The following LTBP1 variants were observed in gnomAD, a reference collection of about 807,000 sequenced individuals.
The protein encoded by LTBP1 is latent-transforming growth factor beta-binding protein 1.
Under a neutral mutation model 207.6 loss-of-function variants are expected in LTBP1, and 129 were observed. The ratio of observed to expected loss-of-function variants is 0.62; its 90% CI spans 0.54 to 0.72. The LOEUF is 0.72. Ranked by LOEUF, LTBP1 falls within the 30% of genes least tolerant of loss-of-function variation. The probability of loss-of-function intolerance (pLI) is 0.00; values close to 1 mark genes in which losing one functional copy is unlikely to be tolerated. For missense variants in LTBP1, 2,281 were observed against 2,217.2 expected, an observed-to-expected ratio of 1.03 and a Z score of -0.58; for synonymous variants, 963 against 833.7, an observed-to-expected ratio of 1.16 and a Z score of -2.67.
rs537126773 is a variant in LTBP1, at chr2:33,041,561, C to T, written c.863+20355C>T. ...CATCCCAAAGTGCTGGGATTATAGG[C>T]GTGAGCCACCGTGCCTGGCCCAGAC... On this transcript the variant is annotated intron_variant, in intron 3 of 33. Coordinates refer to ENST00000404816, the MANE Select transcript of LTBP1 (RefSeq NM_206943.4). Among the ~76,000 whole-genome samples, 9 of 152,328 alleles carry T rather than the reference C, an allele frequency of 5.9e-5. No individual in the cohort carries two copies. The South Asian group carries it at 1.7e-3, about 28-fold the overall frequency.
chr2:33,204,836 A>G (rs998618243), intron 7 of LTBP1, among the ~76,000 whole-genome samples: 3 of 152,250 alleles, frequency 2.0e-5, no homozygotes, highest in African/African-American at 7.2e-5. Flanking sequence ...TGAAAAGTAG[A>G]CATTTATGTC....
At chr2:32,960,954 A>G (rs913586206) in intron 2 of LTBP1, among the ~76,000 whole-genome samples, 1 of 152,202 alleles carries the variant, frequency 6.6e-6, no homozygotes, top group Non-Finnish European at 1.5e-5. Flanking sequence ...AGATAAGATA[A>G]CAAGAGGGGA....
Position 33,173,382 on chromosome 2 carries a change from C to T in LTBP1, c.1202-13474C>T, listed in dbSNP as rs963407708. Among the ~76,000 whole-genome samples the T allele has an allele frequency of 2.8e-4, 42 of 152,190 alleles. No homozygotes were observed. In the East Asian group the frequency reaches 6.2e-3, roughly 22 times the overall value. ...TCAGAGAATACTACAAACACCTCTA[C>T]GCAAATAAACTATAAAATCTAGAAG... On this transcript the variant is annotated intron_variant, in intron 5 of 33. Coordinates refer to ENST00000404816, the MANE Select transcript of LTBP1 (RefSeq NM_206943.4).
chr2:33,289,238 C>T (rs1338553860), intron 19 of LTBP1, among the ~76,000 whole-genome samples: 1 of 152,162 alleles, frequency 6.6e-6, no homozygotes, highest in Non-Finnish European at 1.5e-5. Context: ...CCAAGTCTGA[C>T]CTGATACCTC....
intron 15 of LTBP1, among the ~76,000 whole-genome samples, chr2:33,266,570 G>C (rs1004812177): frequency 3.3e-5 from 5 of 152,080 alleles, no homozygotes; most frequent in African/African-American, 9.7e-5. Flanking sequence ...GGCCCTCCAT[G>C]ATCACCCATG....
intron 5 of LTBP1, among the ~76,000 whole-genome samples, chr2:33,137,806 T>C (rs2082267370): frequency 6.6e-6 from 1 of 152,218 alleles, no homozygotes; most frequent in African/African-American, 2.4e-5. Context: ...GTGAGCTTGC[T>C]TTAGTTTCTT....
At chr2:33,049,069 C>T (rs897692658) in intron 3 of LTBP1, among the ~76,000 whole-genome samples, 3 of 152,130 alleles carry the variant, frequency 2.0e-5, no homozygotes, top group African/African-American at 4.8e-5. Flanking sequence ...TTAAAAAAAT[C>T]TGGTGATCTG....
At chr2:33,108,049 G>A (rs900122930) in intron 3 of LTBP1, among the ~76,000 whole-genome samples, 1 of 152,234 alleles carries the variant, frequency 6.6e-6, no homozygotes, top group East Asian at 1.9e-4. Flanking sequence ...GTCTGAAGTG[G>A]AAATAACTGT....
intron 28 of LTBP1, among the ~76,000 whole-genome samples, 154 bp downstream of exon 28, chr2:33,361,669 T>C (rs763841999): frequency 7.2e-5 from 11 of 152,218 alleles, no homozygotes; most frequent in Non-Finnish European, 1.2e-4. Context: ...AAAGTCCCCA[T>C]GGACTTGCAG....
intron 3 of LTBP1, among the ~76,000 whole-genome samples, chr2:33,081,867 G>A (rs1357248669): frequency 1.3e-5 from 2 of 152,078 alleles, no homozygotes; most frequent in Non-Finnish European, 2.9e-5. Context: ...CTCTGTGCTC[G>A]GTACTTCTCT....
intron 24 of LTBP1, among the ~76,000 whole-genome samples, chr2:33,340,257 C>CAAAAAAA (rs1198759101): frequency 1.1e-5 from 1 of 89,930 alleles, no homozygotes; most frequent in African/African-American, 4.4e-5. Context: ...GACTCTGTCT[C>CAAAAAAA]AAAAAAAAAA....
At chr2:33,284,647 C>G (rs1252521466) in intron 19 of LTBP1, among the ~76,000 whole-genome samples, 2 of 152,184 alleles carry the variant, frequency 1.3e-5, no homozygotes, top group Admixed American at 6.5e-5. Context: ...TTCTTCTTGG[C>G]TTGTGGAGAT....
At chr2:33,287,082 T>C (rs2148711346) in intron 19 of LTBP1, among the ~76,000 whole-genome samples, 1 of 150,588 alleles carries the variant, frequency 6.6e-6, no homozygotes, top group East Asian at 1.9e-4. Flanking sequence ...AAAAGTATAA[T>C]AAAAATAAAA....
intron 24 of LTBP1, among the ~76,000 whole-genome samples, chr2:33,319,151 A>G (rs1411277832): frequency 6.6e-6 from 1 of 152,158 alleles, no homozygotes; most frequent in African/African-American, 2.4e-5. Context: ...TAATCCCAGC[A>G]CTTTGGGAGG....
chr2:32,986,807 C>T (rs1470767052), intron 2 of LTBP1, among the ~76,000 whole-genome samples: 1 of 152,180 alleles, frequency 6.6e-6, no homozygotes. Context: ...AACTCCAAAC[C>T]TTCATCGTCT....
intron 9 of LTBP1, among the ~76,000 whole-genome samples, chr2:33,225,375 G>A (rs560513762): frequency 3.3e-5 from 5 of 152,246 alleles, no homozygotes; most frequent in Admixed American, 6.5e-5. Context: ...AGACATACCC[G>A]AGACTGGGCA....
At chr2:33,267,217 C>G (rs952287104) in intron 15 of LTBP1, among the ~76,000 whole-genome samples, 1 of 152,252 alleles carries the variant, frequency 6.6e-6, no homozygotes, top group Non-Finnish European at 1.5e-5. Flanking sequence ...TGGCTGGACC[C>G]CATGCTTGCT....
chr2:33,340,023 G>C (rs187174925), intron 24 of LTBP1, among the ~76,000 whole-genome samples: 1 of 152,096 alleles, frequency 6.6e-6, no homozygotes, highest in Admixed American at 6.5e-5. Context: ...TTTTAGGCTT[G>C]ATAAGTTTAA....
chr2:33,233,685 T>G (rs1449805642), intron 9 of LTBP1, among the ~76,000 whole-genome samples: 4 of 152,154 alleles, frequency 2.6e-5, no homozygotes, highest in Non-Finnish European at 5.9e-5. Flanking sequence ...AGAGCTAGAT[T>G]ATAATGATAG....
Sources: gnomAD v4.1 joint callset for allele counts (sites outside exome capture counted in the v4.1 genomes callset) on GRCh38, gnomAD v4.1.1 for gene constraint, MANE v1.5 for transcripts, NCBI Gene and HGNC (gene_info 2026-07-23, HGNC 2026-07-21) for gene names.